TEAD3: variants seen among roughly 807,000 people sequenced by gnomAD.
TEAD3 encodes the protein TEA domain transcription factor 3.
TEAD3 carries 15 observed loss-of-function variants against 55.6 expected under a neutral mutation model. The ratio of observed to expected loss-of-function variants is 0.27; its 90% CI spans 0.18 to 0.42. The LOEUF (loss-of-function observed/expected upper bound fraction) is 0.42. Ranked by LOEUF, TEAD3 falls within the 10% of genes least tolerant of loss-of-function variation. TEAD3 has a pLI of 1.00. For synonymous variants in TEAD3, 210 were observed against 232.2 expected (o/e 0.90, Z 0.87); for missense variants, 407 against 576.8 (o/e 0.71, Z 3.01).
In TEAD3 at chr6:35,475,455, C is replaced by G; in HGVS notation, c.1075G>C (p.Val359Leu). 6.2e-7 allele frequency: 1 copy of G among 1,613,732 alleles called. No homozygotes were observed. The highest frequency in any genetic ancestry group is 8.5e-7 in the Non-Finnish European group (1 of 1,179,716). ...ATGGGCGAGCGGTGGATACGGTACA[C>G]AAAGCGCCCGTTCTCCAGCCTGGCA... The change falls in exon 12 of 13, where the codon GTG becomes CTG. Residue 359 changes from valine to leucine, a missense_variant. Val to Leu is a conservative substitution (Grantham distance 32). Transcript: ENST00000639578. This position sits in a 1 kb window ranked among gnomAD's most constrained non-coding sequence, Gnocchi z 5.4.
intron 3 of TEAD3, among the ~76,000 whole-genome samples, chr6:35,481,940 ATGTG>A (rs1316847043): frequency 2.6e-5 from 4 of 152,338 alleles, no homozygotes; most frequent in Admixed American, 6.5e-5. Flanking sequence ...GAATTGCTGC[ATGTG>A]TGTATCTGTA....
chr6:35,483,102 T>C lies in TEAD3; in HGVS notation c.267+1458A>G, dbSNP rs1211342211. Among the ~76,000 whole-genome samples, 1 of 152,180 alleles carries C rather than the reference T, an allele frequency of 6.6e-6. No individual in the cohort carries two copies. Among genetic ancestry groups the C allele is most frequent in the Non-Finnish European group, 1.5e-5 (1 of 68,030 alleles). On this transcript the variant is annotated intron_variant, in intron 3 of 12. Coordinates refer to ENST00000639578, the Ensembl canonical transcript of TEAD3. This position sits in a 1 kb window ranked among gnomAD's most constrained non-coding sequence, Gnocchi z 4.5. The stretch of plus-strand genomic sequence containing the variant: ...GACAGGGCTCTGGCGCACGCCTCCA[T>C]GTGGTATCCCTGGTGCCTAGAACAC...
chr6:35,494,170 T>G (rs1768591909), intron 1 of TEAD3, among the ~76,000 whole-genome samples: 1 of 152,158 alleles, frequency 6.6e-6, no homozygotes, highest in Non-Finnish European at 1.5e-5. Flanking sequence ...AATGTCCCAC[T>G]CATGGCTTCT....
At chr6:35,490,023 G>A (rs1768474602) in intron 1 of TEAD3, among the ~76,000 whole-genome samples, 1 of 152,178 alleles carries the variant, frequency 6.6e-6, no homozygotes, top group Admixed American at 6.5e-5. Flanking sequence ...CTGCCACAGA[G>A]CTGTTAGAGG....
At chr6:35,474,447 C>T (rs1561802305), downstream of TEAD3, 1 of 153,580 alleles carries the variant, frequency 6.5e-6, no homozygotes, top group Non-Finnish European at 1.5e-5. Flanking sequence ...CTGCCCACCT[C>T]TCCTGTGGGT....
In TEAD3 at chr6:35,488,340, T is replaced by C. The variant is rs1768432592; in HGVS notation, c.-49-1629A>G. On this transcript the variant is annotated intron_variant, in intron 1 of 12. Coordinates refer to ENST00000639578, the Ensembl canonical transcript of TEAD3. This position sits in a 1 kb window ranked among gnomAD's most constrained non-coding sequence, Gnocchi z 4.2. ...TGTGAGTGCCCTGAACCTGCCAGGCTATTAATTTGGACCACACCCCACCAG... is the reference window on the plus strand; with the variant it reads ...TGTGAGTGCCCTGAACCTGCCAGGCCATTAATTTGGACCACACCCCACCAG... 6.6e-6 allele frequency among the ~76,000 whole-genome samples: 1 copy of C among 152,080 alleles called. No homozygotes were observed. The highest frequency in any genetic ancestry group is 6.5e-5 in the Admixed American group (1 of 15,270).
rs1333751012 is a variant in TEAD3, at chr6:35,486,367, G to T, written c.202+94C>A. On this transcript the variant is annotated intron_variant, in intron 2 of 12. Transcript: ENST00000639578. This position sits in a 1 kb window ranked among gnomAD's most constrained non-coding sequence, Gnocchi z 7.3. ...GCGCGCCCAGACTCGCCCGGCCAGC[G>T]GCTGGCGGCCTCCGACGTCACCAAA... 13 of 1,424,356 alleles carry T rather than the reference G, an allele frequency of 9.1e-6. No homozygotes were observed. The highest frequency in any genetic ancestry group is 1.1e-5 in the Non-Finnish European group (12 of 1,060,284). 88.2% of individuals were successfully genotyped at this position (1,424,356 alleles called of 1,614,324 possible). A position where few individuals can be genotyped will look rare whatever the true frequency, so the allele number is the denominator to read the frequency against.
At chr6:35,480,583 C>T (rs1162737437) in intron 3 of TEAD3, among the ~76,000 whole-genome samples, 1 of 152,236 alleles carries the variant, frequency 6.6e-6, no homozygotes, top group Non-Finnish European at 1.5e-5. Flanking sequence ...CCCACCACAG[C>T]CTCCCGAGTA....
intron 3 of TEAD3, among the ~76,000 whole-genome samples, chr6:35,481,743 C>T (rs1024850349): frequency 4.6e-5 from 7 of 152,174 alleles, no homozygotes; most frequent in African/African-American, 1.7e-4. Flanking sequence ...CAAACCCAGG[C>T]GGTCTGACTC....
intron 1 of TEAD3, among the ~76,000 whole-genome samples, chr6:35,489,454 C>T (rs1768457467): frequency 6.6e-6 from 1 of 152,186 alleles, no homozygotes; most frequent in Admixed American, 6.5e-5. Flanking sequence ...ACAGCAACTG[C>T]CCTAAGTCTG....
Position 35,484,691 on chromosome 6 carries a change from C to A in TEAD3, c.203-67G>T, listed in dbSNP as rs1021692444. ...TGGAGCCAGAGGCTGGAGGCCCCCA[C>A]CCCACCGGGAAGCCACTCCAGGACC... On this transcript the variant is annotated intron_variant, in intron 2 of 12. Coordinates refer to ENST00000639578, the Ensembl canonical transcript of TEAD3. The surrounding 1 kb of genome is among the most constrained non-coding windows in gnomAD (Gnocchi z 5.8). 3.5e-6 allele frequency: 5 copies of A among 1,445,098 alleles called. No homozygotes were observed. The African/African-American group carries it at 7.1e-5, about 20-fold the overall frequency. The allele number at this position is 1,445,098 out of a possible 1,614,324, so 89.5% of individuals were successfully genotyped here.
At chr6:35,482,506 T>C (rs1300769153) in intron 3 of TEAD3, among the ~76,000 whole-genome samples, 2 of 152,178 alleles carry the variant, frequency 1.3e-5, no homozygotes, top group Non-Finnish European at 2.9e-5. Context: ...TAAAAGCTCT[T>C]TTCTGGGCAG....
intron 3 of TEAD3, 73 bp downstream of exon 4, chr6:35,480,239 G>C (rs1424482791): frequency 5.1e-6 from 8 of 1,576,292 alleles, no homozygotes; most frequent in Non-Finnish European, 4.3e-6. Context: ...GGAAAGGCCT[G>C]AGCTATGCAG....
exon 4 of TEAD3, chr6:35,480,079 T>G (rs557067490): frequency 4.6e-4 from 708 of 1,531,582 alleles, no homozygotes; most frequent in African/African-American, 2.6e-3. Flanking sequence ...AGACTGAATC[T>G]CCCGAGATTT....
rs773359968 is a variant in TEAD3, at chr6:35,475,969, C to T, written c.850G>A (p.Glu284Lys). 5 of 1,558,626 alleles carry T rather than the reference C, an allele frequency of 3.2e-6. No individual in the cohort carries two copies. Among genetic ancestry groups the T allele is most frequent in the South Asian group, 1.2e-5 (1 of 82,348 alleles). ...TTAGGGGGCCCCTTCTCATAGAGCT[C>T]CTTCAATCCTCCCTTTTTCTCGGGG... is the stretch of plus-strand genomic sequence containing the variant. The change falls in exon 10 of 13, where the codon GAG becomes AAG. Residue 284 changes from glutamate (E) to lysine (K), a missense_variant. Transcript: ENST00000639578. The surrounding 1 kb of genome is among the most constrained non-coding windows in gnomAD (Gnocchi z 5.4).
chr6:35,476,441 AG>A lies in TEAD3; in HGVS notation c.593-7del. 6.2e-7 allele frequency: 1 copy of A among 1,612,668 alleles called. No homozygotes were observed. The highest frequency in any genetic ancestry group is 8.5e-7 in the Non-Finnish European group (1 of 1,179,772). The stretch of plus-strand genomic sequence containing the variant: ...CGGGGCCAGGGGCTCATAACCTGGG[AG>A]GGCGAGACAGATTTTCATCTGCATG... On this transcript the variant is annotated splice_region_variant and splice_polypyrimidine_tract_variant and intron_variant, in intron 8 of 12. Transcript: ENST00000639578.
chr6:35,495,105 C>G (rs535934700), intron 1 of TEAD3, among the ~76,000 whole-genome samples: 1 of 152,316 alleles, frequency 6.6e-6, no homozygotes, highest in East Asian at 1.9e-4. Context: ...AACTGAGGCC[C>G]AAAGGGGCCT....
chr6:35,481,540 A>G (rs1357745229), intron 3 of TEAD3, among the ~76,000 whole-genome samples: 3 of 152,180 alleles, frequency 2.0e-5, no homozygotes, highest in Non-Finnish European at 2.9e-5. Context: ...AAAATTACTG[A>G]CCACTTCACG....
Position 35,475,077 on chromosome 6 carries a change from G to T in TEAD3, c.1275C>A (p.Ala425=), listed in dbSNP as rs1039475558. 6.3e-7 allele frequency: 1 copy of T among 1,597,302 alleles called. No homozygotes were observed. The highest frequency in any genetic ancestry group is 8.5e-7 in the Non-Finnish European group (1 of 1,171,526). ...TGACGAGCTTGTAGACATGGTGCTG[G>T]GCCCCGTGCTCACTGGTGGAGACTT... Residue 425 remains alanine, a synonymous_variant, in exon 13 of 13, where the codon GCC becomes GCA. Transcript: ENST00000639578. This position sits in a 1 kb window ranked among gnomAD's most constrained non-coding sequence, Gnocchi z 5.4.
Sources: gnomAD v4.1 joint callset for allele counts (sites outside exome capture counted in the v4.1 genomes callset) on GRCh38, gnomAD v4.1.1 for gene constraint, Gnocchi (gnomAD v3.1) non-coding constraint, MANE v1.5 for transcripts, NCBI Gene and HGNC (gene_info 2026-07-23, HGNC 2026-07-21) for gene names.